The following USH2A variants were observed in gnomAD, a reference collection of about 807,000 sequenced individuals.
USH2A encodes the protein Usher syndrome 2A (autosomal recessive, mild).
Under a neutral mutation model 538.9 loss-of-function variants are expected in USH2A, and 443 were observed. The observed-to-expected ratio is 0.82, with a 90% CI of 0.76 to 0.89. USH2A has a LOEUF of 0.89. USH2A is among the 40% of genes least tolerant of loss of function. USH2A has a pLI of 0.00. For missense variants in USH2A, 6,633 were observed against 6,324.8 expected, an observed-to-expected ratio of 1.05 and a Z score of -1.65; for synonymous variants, 2,413 against 2,273.5, an observed-to-expected ratio of 1.06 and a Z score of -1.75.
chr1:215,655,739 T>C (rs909982117), intron 64 of USH2A, among the ~76,000 whole-genome samples: 1 of 146,744 alleles, frequency 6.8e-6, no homozygotes, highest in African/African-American at 2.5e-5. Flanking sequence ...TTTTTTTTTT[T>C]TTTTTTTTTT....
intron 38 of USH2A, among the ~76,000 whole-genome samples, chr1:215,926,479 C>T (rs1403049106): frequency 6.6e-6 from 1 of 151,964 alleles, no homozygotes; most frequent in Non-Finnish European, 1.5e-5. Context: ...TGTGGTAATG[C>T]TTAACCTAAG....
intron 36 of USH2A, among the ~76,000 whole-genome samples, chr1:215,969,113 T>C (rs569652153): frequency 5.9e-5 from 9 of 152,340 alleles, no homozygotes; most frequent in African/African-American, 2.2e-4. Context: ...TTTAACTTCT[T>C]GGTAGCATAT....
intron 55 of USH2A, among the ~76,000 whole-genome samples, chr1:215,773,492 G>GTCTCTCTC (rs930672000): frequency 1.5e-4 from 13 of 84,474 alleles, no homozygotes; most frequent in Non-Finnish European, 2.2e-4. Flanking sequence ...CTGTCTCTCT[G>GTCTCTCTC]TCTCTCTCTC....
At chr1:216,394,265 T>C (rs751310026) in intron 3 of USH2A, among the ~76,000 whole-genome samples, 12 of 151,682 alleles carry the variant, frequency 7.9e-5, no homozygotes, top group Non-Finnish European at 1.8e-4. Context: ...AAAAAGTCTG[T>C]CAACTTCTGA....
chr1:216,197,623 G>T (rs1178771232), intron 18 of USH2A, among the ~76,000 whole-genome samples: 1 of 152,050 alleles, frequency 6.6e-6, no homozygotes, highest in Non-Finnish European at 1.5e-5. Context: ...TTTAGATCAG[G>T]GTTTGGGTTT....
intron 20 of USH2A, among the ~76,000 whole-genome samples, chr1:216,188,745 A>G (rs1365118772): frequency 2.0e-5 from 3 of 151,906 alleles, no homozygotes. Flanking sequence ...CAAAGAATAT[A>G]TTGATACTGG....
chr1:216,266,892 T>C (rs1488477865), intron 11 of USH2A, among the ~76,000 whole-genome samples: 1 of 151,914 alleles, frequency 6.6e-6, no homozygotes, highest in Non-Finnish European at 1.5e-5. Flanking sequence ...TGATAGATTA[T>C]TATGTATTGA....
intron 41 of USH2A, among the ~76,000 whole-genome samples, chr1:215,887,125 G>A (rs1411013569): frequency 6.6e-6 from 1 of 152,176 alleles, no homozygotes; most frequent in Non-Finnish European, 1.5e-5. Flanking sequence ...CCAAAGTACT[G>A]GGATTACAGG....
chr1:215,679,500 C>T (rs941324162), intron 62 of USH2A, among the ~76,000 whole-genome samples: 5 of 152,176 alleles, frequency 3.3e-5, no homozygotes, highest in Non-Finnish European at 7.3e-5. Context: ...TGGGGAGGAA[C>T]ATCAGAGAGG....
At chr1:216,195,359 C>T (rs1319299266) in intron 19 of USH2A, among the ~76,000 whole-genome samples, 1 of 152,048 alleles carries the variant, frequency 6.6e-6, no homozygotes, top group Non-Finnish European at 1.5e-5. Flanking sequence ...TGGGAGGTCC[C>T]TTAAGAGCTG....
intron 20 of USH2A, among the ~76,000 whole-genome samples, chr1:216,176,275 A>G (rs1248191826): frequency 6.6e-6 from 1 of 151,838 alleles, no homozygotes; most frequent in African/African-American, 2.4e-5. Flanking sequence ...CCCAGGCTGG[A>G]GTGCAGTGGC....
At chr1:216,401,856 C>T (rs920917441) in intron 3 of USH2A, among the ~76,000 whole-genome samples, 2 of 151,954 alleles carry the variant, frequency 1.3e-5, no homozygotes, top group Non-Finnish European at 2.9e-5. Context: ...AAATCAGGGA[C>T]GTCAACAGCA....
intron 55 of USH2A, 39 bp downstream of exon 55, chr1:215,779,804 A>G (rs772500917): frequency 5.0e-6 from 8 of 1,607,140 alleles, no homozygotes; most frequent in African/African-American, 4.0e-5. Flanking sequence ...ACAATGACAG[A>G]CTCCTCCAGT....
intron 50 of USH2A, among the ~76,000 whole-genome samples, chr1:215,797,298 C>A (rs942478350): frequency 3.3e-5 from 5 of 152,172 alleles, no homozygotes; most frequent in Admixed American, 2.6e-4. Flanking sequence ...GGTGAAGCAG[C>A]AAGTGCTGAT....
chr1:215,868,812 G>A (rs981195087), intron 43 of USH2A, among the ~76,000 whole-genome samples: 4 of 152,222 alleles, frequency 2.6e-5, no homozygotes, highest in Admixed American at 2.6e-4. Context: ...GCTGTCACAA[G>A]CCAAGGATTT....
chr1:216,200,286 C>A (rs754186105), intron 16 of USH2A, among the ~76,000 whole-genome samples, 165 bp from the exon 17 acceptor site: 1 of 151,974 alleles, frequency 6.6e-6, no homozygotes, highest in Non-Finnish European at 1.5e-5. Context: ...AATGTAAATA[C>A]CGGTTGATTG....
intron 64 of USH2A, among the ~76,000 whole-genome samples, chr1:215,664,821 G>T (rs1008964589): frequency 4.6e-5 from 7 of 152,166 alleles, no homozygotes; most frequent in Non-Finnish European, 8.8e-5. Flanking sequence ...TAAGCCAGAA[G>T]GTGGCCCTCA....
intron 21 of USH2A, among the ~76,000 whole-genome samples, chr1:216,149,130 T>C (rs1207864231): frequency 6.6e-6 from 1 of 152,118 alleles, no homozygotes; most frequent in African/African-American, 2.4e-5. Context: ...GACCACACCC[T>C]GTAGCCTTTC....
At chr1:216,291,143 T>C (rs1043909940) in intron 10 of USH2A, among the ~76,000 whole-genome samples, 29 of 104,038 alleles carry the variant, frequency 2.8e-4, no homozygotes, top group African/African-American at 8.0e-4. Flanking sequence ...TGTCATCTCC[T>C]TGACCTTAGA....
Sources: allele counts gnomAD v4.1 joint callset (sites outside exome capture counted in the v4.1 genomes callset), GRCh38; gene constraint gnomAD v4.1.1; transcripts MANE v1.5; gene names NCBI Gene and HGNC (gene_info 2026-07-23, HGNC 2026-07-21).